Variants in GUCY1A1 observed in about 807,000 individuals in gnomAD.
GUCY1A1 encodes the protein guanylate cyclase 1 soluble subunit alpha 1.
A neutral mutation model predicts 64.5 loss-of-function variants in GUCY1A1; 48 were observed. That is an observed-to-expected ratio of 0.74 (90% CI 0.59 to 0.95). The LOEUF is 0.95. GUCY1A1 is among the 40% of genes least tolerant of loss of function. GUCY1A1 has a pLI of 0.00. For synonymous variants in GUCY1A1, 308 were observed against 303.4 expected (o/e 1.02, Z -0.16); for missense variants, 804 against 825.3 (o/e 0.97, Z 0.32).
chr4:155,692,016 G>T (rs1018370849), intron 2 of GUCY1A1, among the ~76,000 whole-genome samples: 1 of 152,042 alleles, frequency 6.6e-6, no homozygotes, highest in African/African-American at 2.4e-5. Context: ...TCATTGTTTA[G>T]CTCTCACTTA....
At chr4:155,727,706 T>C (rs1180521402) in intron 9 of GUCY1A1, among the ~76,000 whole-genome samples, 2 of 151,782 alleles carry the variant, frequency 1.3e-5, no homozygotes, top group Non-Finnish European at 2.9e-5. Context: ...GACACTCATG[T>C]AGCCAATACT....
At chr4:155,693,633 A>G (rs1730044318) in intron 2 of GUCY1A1, among the ~76,000 whole-genome samples, 1 of 152,192 alleles carries the variant, frequency 6.6e-6, no homozygotes, top group South Asian at 2.1e-4. Flanking sequence ...AATGCTAATT[A>G]GTTTGTTTAT....
chr4:155,682,699 AGTGTGTGT>A (rs60103633), intron 2 of GUCY1A1, among the ~76,000 whole-genome samples: 1 of 146,774 alleles, frequency 6.8e-6, no homozygotes, highest in Non-Finnish European at 1.5e-5. Flanking sequence ...AAGAAAATTC[AGTGTGTGT>A]GTGTGTGTGT....
intron 2 of GUCY1A1, among the ~76,000 whole-genome samples, chr4:155,696,021 G>T (rs976617362): frequency 6.6e-6 from 1 of 152,162 alleles, no homozygotes; most frequent in African/African-American, 2.4e-5. Flanking sequence ...CGATGCTTAT[G>T]ATTTCAGTGG....
At chr4:155,698,750 T>C (rs1263683140) in intron 3 of GUCY1A1, among the ~76,000 whole-genome samples, 1 of 152,168 alleles carries the variant, frequency 6.6e-6, no homozygotes, top group Non-Finnish European at 1.5e-5. Context: ...TCATTCTTTT[T>C]CATTCATTCT....
Position 155,736,691 on chromosome 4 carries a change from C to A in GUCY1A1, c.*6460C>A, listed in dbSNP as rs1018199595. The A allele has an allele frequency of 5.3e-5, 8 of 151,886 alleles. No individual in the cohort carries two copies. Among genetic ancestry groups the A allele is most frequent in the Admixed American group, 3.3e-4 (5 of 15,218 alleles). The allele number at this position is 151,886 out of a possible 1,614,324, so 9.4% of individuals were successfully genotyped here. ...TGATTCATGGGGTTTCACATACAGACAAGTAGTTTTCTTTTCAGCAAATAT... is the reference window on the plus strand; with the variant it reads ...TGATTCATGGGGTTTCACATACAGAAAAGTAGTTTTCTTTTCAGCAAATAT... On this transcript the variant is annotated 3_prime_UTR_variant, in exon 10 of 10. Coordinates refer to ENST00000506455, the MANE Select transcript of GUCY1A1 (RefSeq NM_001130682.3).
intron 9 of GUCY1A1, among the ~76,000 whole-genome samples, chr4:155,723,594 C>T (rs1734251999): frequency 6.6e-6 from 1 of 151,946 alleles, no homozygotes; most frequent in African/African-American, 2.4e-5. Flanking sequence ...TCAGAGATAA[C>T]TCTTTAATAG....
chr4:155,687,318 A>G (rs982845767), intron 2 of GUCY1A1, among the ~76,000 whole-genome samples: 5 of 152,214 alleles, frequency 3.3e-5, no homozygotes, highest in African/African-American at 1.2e-4. Flanking sequence ...AAGAAGCATC[A>G]CAGCTTTCGT....
intron 4 of GUCY1A1, among the ~76,000 whole-genome samples, chr4:155,704,967 T>C (rs1038500437): frequency 6.6e-6 from 1 of 152,218 alleles, no homozygotes; most frequent in Non-Finnish European, 1.5e-5. Context: ...CACTACAACC[T>C]CTGCCTCCCT....
chr4:155,729,784 G>A (rs556911493), intron 9 of GUCY1A1, among the ~76,000 whole-genome samples: 123 of 151,506 alleles, frequency 8.1e-4, no homozygotes, highest in Non-Finnish European at 1.5e-3. Context: ...TATTATTTTT[G>A]CAAAAATATT....
chr4:155,728,527 T>C (rs1418504223), intron 9 of GUCY1A1, among the ~76,000 whole-genome samples: 1 of 151,920 alleles, frequency 6.6e-6, no homozygotes, highest in Non-Finnish European at 1.5e-5. Context: ...GGTATCTTTA[T>C]ACATATGTCT....
chr4:155,724,883 G>C (rs975698005), intron 9 of GUCY1A1, among the ~76,000 whole-genome samples: 2 of 151,974 alleles, frequency 1.3e-5, no homozygotes, highest in African/African-American at 2.4e-5. Flanking sequence ...GACCGAATTA[G>C]AATGAGTGAT....
At position 155,722,076 on chromosome 4, in the gene GUCY1A1, C is replaced by G. The variant is rs571318059; in HGVS notation, c.1755C>G (p.Gly585=). Residue 585 remains glycine, a synonymous_variant, in exon 9 of 10, where the codon GGC becomes GGG. Transcript: ENST00000506455. Reference sequence around the variant, plus strand: ...TGCACTCTGGATCAGTTTTTGCTGGCGTCGTTGGAGTTAAAATGCCCCGTT... The same window carrying G: ...TGCACTCTGGATCAGTTTTTGCTGGGGTCGTTGGAGTTAAAATGCCCCGTT... The part of the protein sequence containing the change: ...IGLHSGSVFA[G]VVGVKMPRYC... 1.9e-6 allele frequency: 3 copies of G among 1,613,332 alleles called. No individual in the cohort carries two copies. Among genetic ancestry groups the G allele is most frequent in the Non-Finnish European group, 2.5e-6 (3 of 1,179,594 alleles).
intron 6 of GUCY1A1, among the ~76,000 whole-genome samples, chr4:155,711,985 C>T (rs922966685): frequency 1.3e-5 from 2 of 152,198 alleles, no homozygotes; most frequent in Admixed American, 6.5e-5. Context: ...TAATTATATA[C>T]ATTTTTTGTT....
intron 5 of GUCY1A1, among the ~76,000 whole-genome samples, chr4:155,708,987 A>T (rs1732174134): frequency 6.6e-6 from 1 of 152,178 alleles, no homozygotes; most frequent in Non-Finnish European, 1.5e-5. Context: ...CCCTTGACAT[A>T]ACTAACTCCA....
chr4:155,675,363 A>G (rs1234420364), intron 2 of GUCY1A1, among the ~76,000 whole-genome samples: 1 of 151,600 alleles, frequency 6.6e-6, no homozygotes, highest in African/African-American at 2.4e-5. Context: ...TTAGAGAGTT[A>G]CAAATGTAGC....
In GUCY1A1 at chr4:155,730,067, C is replaced by T. The variant is rs919487431; in HGVS notation, c.1909C>T (p.Arg637Ter). ...CTGTCCTGGTTTCGTGTTTACCCCT[C>T]GATCAAGGGAGGAACTTCCACCAAA... ...KDCPGFVFTP[R>*]SREELPPNFP... Residue 637 changes from arginine to a stop codon, truncating the protein, a stop_gained, in exon 10 of 10, where the codon CGA (arginine) becomes TGA (stop). Coordinates refer to ENST00000506455, the MANE Select transcript of GUCY1A1 (RefSeq NM_001130682.3). LOFTEE classifies it high-confidence loss of function. 1.2e-6 allele frequency: 2 copies of T among 1,609,622 alleles called. No individual in the cohort carries two copies. The highest frequency in any genetic ancestry group is 1.7e-6 in the Non-Finnish European group (2 of 1,176,528).
At chr4:155,676,586 A>G (rs1224509363) in intron 2 of GUCY1A1, among the ~76,000 whole-genome samples, 2 of 151,544 alleles carry the variant, frequency 1.3e-5, no homozygotes, top group Non-Finnish European at 1.5e-5. Flanking sequence ...CTAATTGGCC[A>G]GTGATTGTAA....
intron 3 of GUCY1A1, among the ~76,000 whole-genome samples, chr4:155,703,503 G>C (rs1731357913): frequency 6.6e-6 from 1 of 152,190 alleles, no homozygotes; most frequent in South Asian, 2.1e-4. Flanking sequence ...GCTTGGCTTG[G>C]TCCATGCTGA....
Sources: gnomAD v4.1 joint callset for allele counts (sites outside exome capture counted in the v4.1 genomes callset) on GRCh38, gnomAD v4.1.1 for gene constraint, MANE v1.5 for transcripts, NCBI Gene and HGNC (gene_info 2026-07-23, HGNC 2026-07-21) for gene names.